CMC1: variants seen among roughly 807,000 people sequenced by gnomAD.
CMC1 encodes the protein COX assembly mitochondrial protein homolog.
Under a neutral mutation model 14.1 loss-of-function variants are expected in CMC1, and 14 were observed. That is an observed-to-expected ratio of 0.99 (90% CI 0.66 to 1.55). The LOEUF (loss-of-function observed/expected upper bound fraction) is 1.55, where lower values mean the gene tolerates loss of function less well. CMC1 is among the 40% of genes most tolerant of loss of function. The probability of loss-of-function intolerance (pLI) is 0.00; values close to 1 mark genes in which losing one functional copy is unlikely to be tolerated. For missense variants in CMC1, 127 were observed against 123.8 expected (o/e 1.03, Z -0.12); for synonymous variants, 50 against 38.4 (o/e 1.30, Z -1.12).
At chr3:28,271,962 G>T (rs1391729557) in intron 2 of CMC1, among the ~76,000 whole-genome samples, 1 of 152,050 alleles carries the variant, frequency 6.6e-6, no homozygotes. Flanking sequence ...TGTATTCCTA[G>T]GTATTTTATT....
At chr3:28,245,283 CT>C (rs1049708013) in intron 1 of CMC1, among the ~76,000 whole-genome samples, 1 of 151,792 alleles carries the variant, frequency 6.6e-6, no homozygotes, top group Admixed American at 6.6e-5. Context: ...CATTATTTTC[CT>C]TTTTTTTGTT....
At chr3:28,246,928 T>C (rs983625026) in intron 1 of CMC1, among the ~76,000 whole-genome samples, 2 of 152,034 alleles carry the variant, frequency 1.3e-5, no homozygotes, top group South Asian at 2.1e-4. Flanking sequence ...AAGCAAGAGA[T>C]TGCTTTGTTT....
intron 1 of CMC1, among the ~76,000 whole-genome samples, chr3:28,244,590 A>G (rs1005540855): frequency 5.9e-5 from 9 of 152,130 alleles, no homozygotes; most frequent in Non-Finnish European, 1.0e-4. Context: ...TTAGCCAGGC[A>G]TGGTGGCACA....
intron 1 of CMC1, among the ~76,000 whole-genome samples, chr3:28,245,303 A>G (rs557624664): frequency 6.6e-6 from 1 of 152,294 alleles, no homozygotes; most frequent in African/African-American, 2.4e-5. Flanking sequence ...TTAATGTAGC[A>G]GTAATAACAG....
chr3:28,248,690 C>A (rs1698958132), intron 1 of CMC1, among the ~76,000 whole-genome samples: 1 of 152,084 alleles, frequency 6.6e-6, no homozygotes, highest in South Asian at 2.1e-4. Context: ...AGAAGTATTA[C>A]CTTGTACTTG....
chr3:28,290,058 A>G (rs1190515626), intron 2 of CMC1, among the ~76,000 whole-genome samples: 1 of 152,122 alleles, frequency 6.6e-6, no homozygotes, highest in Non-Finnish European at 1.5e-5. Flanking sequence ...TTTTAACTCC[A>G]TATTCTAATT....
chr3:28,256,958 T>G (rs1576987741), intron 1 of CMC1, among the ~76,000 whole-genome samples: 1 of 152,164 alleles, frequency 6.6e-6, no homozygotes, highest in African/African-American at 2.4e-5. Flanking sequence ...CAATTGAACC[T>G]AAACACTAGC....
At chr3:28,245,949 T>G (rs981576439) in intron 1 of CMC1, among the ~76,000 whole-genome samples, 4 of 152,088 alleles carry the variant, frequency 2.6e-5, no homozygotes, top group Non-Finnish European at 5.9e-5. Flanking sequence ...TTAGAAAAAT[T>G]TTTTATTTTT....
At chr3:28,249,715 C>CGCT (rs1266274909) in intron 1 of CMC1, among the ~76,000 whole-genome samples, 1 of 152,198 alleles carries the variant, frequency 6.6e-6, no homozygotes, top group East Asian at 1.9e-4. Context: ...GTACCAAAAT[C>CGCT]TGTCTTAGTC....
At chr3:28,294,712 TGTG>T (rs990608530) in intron 2 of CMC1, among the ~76,000 whole-genome samples, 9 of 152,110 alleles carry the variant, frequency 5.9e-5, no homozygotes, top group Non-Finnish European at 8.8e-5. Flanking sequence ...CTTTTTAACT[TGTG>T]GTTCTTTATT....
chr3:28,245,551 CCT>C, intron 1 of CMC1, among the ~76,000 whole-genome samples: 1 of 152,246 alleles, frequency 6.6e-6, no homozygotes, highest in Admixed American at 6.5e-5. Context: ...AGGGAAGTTT[CCT>C]TAATCAGGTG....
intron 1 of CMC1, among the ~76,000 whole-genome samples, chr3:28,247,156 G>A (rs1698869888): frequency 2.0e-5 from 3 of 151,996 alleles, no homozygotes; most frequent in Admixed American, 2.0e-4. Flanking sequence ...CTCACACAAG[G>A]TATCACTGCT....
rs558155084 is a variant in CMC1 at position 28,282,457 on chromosome 3, T to TC, written c.109+19078dup. ...GTGTCCTACGCATTATTCCTTACCT[T>TC]CTCTGGAGAAATTGATTCACCAGAT... On this transcript the variant is annotated intron_variant, in intron 2 of 3. Transcript: ENST00000466830. 5.5e-4 allele frequency among the ~76,000 whole-genome samples: 84 copies of TC among 152,354 alleles called. 1 individual carries two copies. Among genetic ancestry groups the TC allele is most frequent in the Admixed American group, 2.7e-3 (42 of 15,300 alleles).
chr3:28,295,537 G>A lies in CMC1; in HGVS notation c.110-20796G>A, dbSNP rs576817890. On this transcript the variant is annotated intron_variant, in intron 2 of 3. Transcript: ENST00000466830. Reference sequence around the variant, plus strand: ...CCCTACTGAAAATGTAACCTACTAGGTCCTTCCTCCTATAACTTCCTACAC... The same window carrying A: ...CCCTACTGAAAATGTAACCTACTAGATCCTTCCTCCTATAACTTCCTACAC... 1.1e-3 allele frequency among the ~76,000 whole-genome samples: 170 copies of A among 152,000 alleles called. 1 individual carries two copies. Among genetic ancestry groups the A allele is most frequent in the African/African-American group, 3.8e-3 (158 of 41,468 alleles).
Position 28,321,327 on chromosome 3 carries a change from A to C in CMC1, c.*1698A>C, listed in dbSNP as rs1353855288. On this transcript the variant is annotated 3_prime_UTR_variant, in exon 4 of 4. Transcript: ENST00000466830. ...ACTTTAAGAAGCTAGTGAAATATAC[A>C]ATCTATTTTATAGCTTTGATTAAAA... The C allele has an allele frequency of 6.6e-6, 1 of 151,476 alleles. No individual in the cohort carries two copies. Among genetic ancestry groups the C allele is most frequent in the Non-Finnish European group, 1.5e-5 (1 of 67,580 alleles). 9.4% of individuals were successfully genotyped at this position (151,476 alleles called of 1,614,324 possible).
chr3:28,270,808 C>T (rs80316363), intron 2 of CMC1, among the ~76,000 whole-genome samples: 5,502 of 151,508 alleles, frequency 0.036, 310 homozygotes, highest in African/African-American at 0.12. Flanking sequence ...TTGGCATTTT[C>T]GTCATGAAAT....
chr3:28,267,040 C>A (rs1412147653), intron 2 of CMC1, among the ~76,000 whole-genome samples: 1 of 152,052 alleles, frequency 6.6e-6, no homozygotes, highest in African/African-American at 2.4e-5. Context: ...GAAATCATTG[C>A]TTTTTCTTGG....
intron 2 of CMC1, among the ~76,000 whole-genome samples, chr3:28,306,858 G>A (rs79834075): frequency 0.05 from 7,577 of 152,054 alleles, 600 homozygotes; most frequent in African/African-American, 0.16. Context: ...TGTTGGCCAG[G>A]CTGGTCTCCA....
chr3:28,274,585 C>T (rs35530532), intron 2 of CMC1, among the ~76,000 whole-genome samples: 29,772 of 151,874 alleles, frequency 0.2, 3,284 homozygotes, highest in Middle Eastern at 0.28. Context: ...GATGATTATG[C>T]ACCTTGGGGT....
Sources: allele counts gnomAD v4.1 joint callset (sites outside exome capture counted in the v4.1 genomes callset), GRCh38; gene constraint gnomAD v4.1.1; transcripts MANE v1.5; gene names NCBI Gene and HGNC (gene_info 2026-07-23, HGNC 2026-07-21).